Variants in CPXM2 observed in about 807,000 individuals in gnomAD.
CPXM2 encodes carboxypeptidase X, M14 family member 2.
Under a neutral mutation model 86.1 loss-of-function variants are expected in CPXM2, and 66 were observed. The ratio of observed to expected loss-of-function variants is 0.77; its 90% confidence interval spans 0.63 to 0.94. CPXM2 has a LOEUF of 0.94. Among genes scored for constraint, CPXM2 ranks in the 40% least tolerant of loss-of-function variants. The pLI, the probability that CPXM2 is intolerant of heterozygous loss-of-function variation, is 0.00. For synonymous variants in CPXM2, 388 were observed against 400.2 expected (o/e 0.97, Z 0.36); for missense variants, 948 against 1,026.3 (o/e 0.92, Z 1.04).
chr10:123,847,317 G>A (rs1337126022), intron 3 of CPXM2, among the ~76,000 whole-genome samples: 1 of 152,208 alleles, frequency 6.6e-6, no homozygotes, highest in East Asian at 1.9e-4. Context: ...TTGAAGTCAG[G>A]AGTTCTAGAC....
chr10:123,751,437 C>T (rs1339621064), intron 13 of CPXM2: 1 of 908,360 alleles, frequency 1.1e-6, no homozygotes, highest in East Asian at 1.2e-4. Context: ...TCCTGACCTT[C>T]TAAGAAGGTT....
intron 2 of CPXM2, among the ~76,000 whole-genome samples, chr10:123,934,105 A>AG (rs1242117417): frequency 1.3e-5 from 2 of 152,098 alleles, no homozygotes; most frequent in Non-Finnish European, 1.5e-5. Flanking sequence ...ACAGCTGAAC[A>AG]GGTTTAAGGT....
chr10:123,899,474 T>C (rs1945364461), intron 2 of CPXM2, among the ~76,000 whole-genome samples: 1 of 152,262 alleles, frequency 6.6e-6, no homozygotes, highest in Non-Finnish European at 1.5e-5. Flanking sequence ...AAAGATGTCC[T>C]GAACAATGGA....
intron 4 of CPXM2, among the ~76,000 whole-genome samples, chr10:123,800,194 G>C (rs1847426689): frequency 6.6e-6 from 1 of 151,832 alleles, no homozygotes; most frequent in Non-Finnish European, 1.5e-5. Flanking sequence ...AGAACAGCTG[G>C]TTCTATGCAT....
chr10:123,923,824 T>C (rs1390796816), intron 2 of CPXM2, among the ~76,000 whole-genome samples: 10 of 152,192 alleles, frequency 6.6e-5, no homozygotes, highest in Non-Finnish European at 1.3e-4. Flanking sequence ...GGCATTTCCC[T>C]GCACACGCTC....
chr10:123,864,817 A>T (rs575628306), intron 2 of CPXM2, among the ~76,000 whole-genome samples: 1 of 152,336 alleles, frequency 6.6e-6, no homozygotes, highest in South Asian at 2.1e-4. Context: ...TAATTCAAAA[A>T]AGGAAGTACC....
rs530176156 is a variant in CPXM2 at position 123,755,162 on chromosome 10, T to C, written c.1918-400A>G. On this transcript the variant is annotated intron_variant, in intron 12 of 13. Transcript: ENST00000241305. ...GAGCTGGCACCTTCCTGGGCAGAAA[T>C]AAGTTGTAGAAGTAGCCAATGGGCA... Among the ~76,000 whole-genome samples the C allele has an allele frequency of 2.6e-5, 4 of 152,254 alleles. No homozygotes were observed. The East Asian group carries it at 7.7e-4, about 29-fold the overall frequency.
intron 11 of CPXM2, among the ~76,000 whole-genome samples, 161 bp downstream of exon 11, chr10:123,761,711 G>A (rs1009246273): frequency 6.6e-6 from 1 of 152,154 alleles, no homozygotes; most frequent in Admixed American, 6.5e-5. Flanking sequence ...AGGAGAGCCT[G>A]AGTGTTGTGC....
At chr10:123,760,992 T>C (rs147820995) in intron 11 of CPXM2, among the ~76,000 whole-genome samples, 2 of 152,330 alleles carry the variant, frequency 1.3e-5, no homozygotes, top group East Asian at 3.9e-4. Flanking sequence ...AGAAGCATTA[T>C]GCCTGGGGTC....
intron 6 of CPXM2, among the ~76,000 whole-genome samples, chr10:123,786,930 C>T (rs570421228): frequency 6.6e-6 from 1 of 152,192 alleles, no homozygotes; most frequent in East Asian, 1.9e-4. Flanking sequence ...AACCTGCCCC[C>T]CTTCTTGTAA....
At chr10:123,815,542 C>T (rs1847795936) in intron 4 of CPXM2, among the ~76,000 whole-genome samples, 1 of 152,138 alleles carries the variant, frequency 6.6e-6, no homozygotes. Flanking sequence ...CTTCCCCATA[C>T]CCAGTAGTGG....
intron 10 of CPXM2, 123 bp downstream of exon 10, chr10:123,766,850 G>C: frequency 1.3e-6 from 1 of 744,392 alleles, no homozygotes; most frequent in Non-Finnish European, 2.3e-6. Context: ...CTCTGCTTTT[G>C]GAGAAAACAT....
At chr10:123,801,767 A>T (rs1847465014) in intron 4 of CPXM2, among the ~76,000 whole-genome samples, 1 of 152,102 alleles carries the variant, frequency 6.6e-6, no homozygotes, top group African/African-American at 2.4e-5. Context: ...CTTTCTTTCA[A>T]TTCCTAATAC....
chr10:123,880,657 G>A (rs561697392), intron 1 of CPXM2, among the ~76,000 whole-genome samples: 121 of 151,818 alleles, frequency 8.0e-4, no homozygotes, highest in Non-Finnish European at 1.2e-3. Flanking sequence ...GTGAAACCCT[G>A]TCTCTACTAA....
chr10:123,830,533 T>A (rs907026872), intron 4 of CPXM2, among the ~76,000 whole-genome samples: 4 of 152,142 alleles, frequency 2.6e-5, no homozygotes, highest in Non-Finnish European at 2.9e-5. Context: ...GAAAGCACTA[T>A]TAAATCCCTT....
chr10:123,808,345 A>G (rs376972359), intron 4 of CPXM2, among the ~76,000 whole-genome samples: 2 of 149,296 alleles, frequency 1.3e-5, no homozygotes, highest in African/African-American at 5.1e-5. Flanking sequence ...GAAACTCTCC[A>G]ATTGGGCAAA....
At chr10:123,811,987 A>T (rs1847704874) in intron 4 of CPXM2, among the ~76,000 whole-genome samples, 1 of 152,252 alleles carries the variant, frequency 6.6e-6, no homozygotes, top group Admixed American at 6.5e-5. Flanking sequence ...AGACTATGAC[A>T]ATCAACTTAG....
chr10:123,841,163 A>G (rs541518483), intron 4 of CPXM2, among the ~76,000 whole-genome samples: 208 of 152,250 alleles, frequency 1.4e-3, no homozygotes, highest in Admixed American at 4.1e-3. Flanking sequence ...GTATAAGTTC[A>G]GAAAGCACCT....
intron 2 of CPXM2, among the ~76,000 whole-genome samples, chr10:123,879,895 G>A (rs1342925412): frequency 6.6e-6 from 1 of 152,196 alleles, no homozygotes; most frequent in African/African-American, 2.4e-5. Flanking sequence ...GGTCCCACAA[G>A]AGAGGAAATG....
Sources: allele counts gnomAD v4.1 joint callset (sites outside exome capture counted in the v4.1 genomes callset), GRCh38; gene constraint gnomAD v4.1.1; transcripts MANE v1.5; gene names NCBI Gene and HGNC (gene_info 2026-07-23, HGNC 2026-07-21).